Variants in LRRC7 observed in about 807,000 individuals in gnomAD.
LRRC7 encodes leucine rich repeat containing 7.
In LRRC7, 23 loss-of-function variants were observed where a neutral mutation model predicts 175.7. The observed-to-expected ratio is 0.13, with a 90% CI of 0.09 to 0.19. LRRC7 has a LOEUF of 0.19. Among genes scored for constraint, LRRC7 ranks in the 10% least tolerant of loss-of-function variants. The probability of loss-of-function intolerance (pLI) is 1.00; values close to 1 mark genes in which losing one functional copy is unlikely to be tolerated. For synonymous variants in LRRC7, 685 were observed against 680.9 expected (o/e 1.01, Z -0.09); for missense variants, 1,354 against 1,904.7 (o/e 0.71, Z 5.38).
intron 7 of LRRC7, among the ~76,000 whole-genome samples, chr1:69,928,327 C>G (rs948305526): frequency 6.6e-6 from 1 of 152,230 alleles, no homozygotes; most frequent in African/African-American, 2.4e-5. Context: ...AACCACTGCT[C>G]TCTTCAAAGC....
chr1:69,590,821 A>G (rs1266767466), intron 1 of LRRC7, among the ~76,000 whole-genome samples: 1 of 152,140 alleles, frequency 6.6e-6, no homozygotes, highest in Non-Finnish European at 1.5e-5. Flanking sequence ...GACATAAAAA[A>G]TTCATACAGG....
At chr1:69,708,478 T>A (rs1664312988) in intron 2 of LRRC7, among the ~76,000 whole-genome samples, 1 of 152,214 alleles carries the variant, frequency 6.6e-6, no homozygotes, top group Non-Finnish European at 1.5e-5. Flanking sequence ...ATTTTCTTCC[T>A]TTAGGTGTTC....
chr1:69,982,163 A>G (rs1252618004), intron 9 of LRRC7, among the ~76,000 whole-genome samples: 2 of 152,250 alleles, frequency 1.3e-5, no homozygotes, highest in African/African-American at 4.8e-5. Context: ...TTAAGTGGAA[A>G]GGCAGGGATG....
intron 3 of LRRC7, among the ~76,000 whole-genome samples, chr1:69,778,748 A>G (rs1282873636): frequency 6.6e-6 from 1 of 152,112 alleles, no homozygotes; most frequent in Non-Finnish European, 1.5e-5. Flanking sequence ...CCAGTGGAGA[A>G]AATCTCCAGT....
intron 7 of LRRC7, among the ~76,000 whole-genome samples, chr1:69,909,516 T>C (rs1489754598): frequency 1.3e-5 from 2 of 152,154 alleles, no homozygotes; most frequent in Non-Finnish European, 2.9e-5. Context: ...ATTTTTTTTC[T>C]CCTTCACTTA....
At chr1:70,065,391 T>C (rs1661892418) in intron 23 of LRRC7, among the ~76,000 whole-genome samples, 1 of 152,004 alleles carries the variant, frequency 6.6e-6, no homozygotes, top group Admixed American at 6.6e-5. Flanking sequence ...TAGAGTGGCT[T>C]TGAAAATTAA....
At chr1:69,835,828 A>T (rs969772760) in intron 6 of LRRC7, among the ~76,000 whole-genome samples, 1 of 152,004 alleles carries the variant, frequency 6.6e-6, no homozygotes, top group African/African-American at 2.4e-5. Flanking sequence ...TATAATAATA[A>T]TATTATCTTA....
chr1:69,947,832 A>G (rs918645392), intron 8 of LRRC7, among the ~76,000 whole-genome samples: 5 of 152,158 alleles, frequency 3.3e-5, no homozygotes, highest in African/African-American at 1.2e-4. Context: ...ATTAGGCACA[A>G]TAAAAGACTA....
At chr1:70,001,182 T>G (rs79688913) in intron 11 of LRRC7, among the ~76,000 whole-genome samples, 2,041 of 152,270 alleles carry the variant, frequency 0.013, 44 homozygotes, top group African/African-American at 0.044. Context: ...TCCATTATAG[T>G]TGTTGTATAG....
intron 7 of LRRC7, among the ~76,000 whole-genome samples, chr1:69,914,302 A>T (rs1023166856): frequency 2.6e-5 from 4 of 152,238 alleles, no homozygotes; most frequent in African/African-American, 9.6e-5. Context: ...TTAAATGGAT[A>T]AAACCTCTGA....
chr1:69,936,228 A>G (rs899802733), intron 8 of LRRC7, among the ~76,000 whole-genome samples: 1 of 152,118 alleles, frequency 6.6e-6, no homozygotes, highest in African/African-American at 2.4e-5. Flanking sequence ...CTGGACATTT[A>G]CTTTTTGTAT....
In LRRC7 at chr1:70,011,894, G is replaced by C; in HGVS notation, c.1102G>C (p.Asp368His). The C allele has an allele frequency of 6.2e-7, 1 of 1,606,196 alleles. No individual in the cohort carries two copies. Among genetic ancestry groups the C allele is most frequent in the Non-Finnish European group, 8.5e-7 (1 of 1,173,572 alleles). The change falls in exon 12 of 27, where the codon GAT becomes CAT. Residue 368 changes from aspartate (D) to histidine (H), a missense_variant. By Grantham distance (81) the Asp-to-His change is moderately conservative. This residue lies in a region of LRRC7 where 201 missense variants were observed against 481.4 expected (regional missense o/e 0.42). Transcript: ENST00000651989. ...TCATAGTCTTCGGACATTAGCAGTT[G>C]ATGAGAATTTCCTTCCAGAATTACC... ...YLHSLRTLAVDENFLPELPRE... is the reference protein window; with the variant it reads ...YLHSLRTLAVHENFLPELPRE...
In LRRC7 at chr1:69,681,298, A is replaced by C. The variant is rs75180871; in HGVS notation, c.100+2820A>C. On this transcript the variant is annotated intron_variant, in intron 2 of 26. Transcript: ENST00000651989. ...GAAAACTATCATAGAAAGTCAAATC[A>C]TAGTAGCTTTTCTGCACTAAGAATT... 1.6e-4 allele frequency among the ~76,000 whole-genome samples: 24 copies of C among 152,302 alleles called. No individual in the cohort carries two copies. In the East Asian group the frequency reaches 4.4e-3, roughly 28 times the overall value.
chr1:69,604,497 T>C (rs1647228009), intron 1 of LRRC7, among the ~76,000 whole-genome samples: 1 of 152,158 alleles, frequency 6.6e-6, no homozygotes, highest in Non-Finnish European at 1.5e-5. Context: ...AACATGAAAC[T>C]AGAAAAACAT....
intron 1 of LRRC7, among the ~76,000 whole-genome samples, chr1:69,649,814 T>A (rs1257245217): frequency 6.6e-6 from 1 of 151,234 alleles, no homozygotes; most frequent in Non-Finnish European, 1.5e-5. Flanking sequence ...CAAAACGGCT[T>A]AAGGGTGGTA....
At chr1:69,581,972 T>C (rs1646219262) in intron 1 of LRRC7, among the ~76,000 whole-genome samples, 1 of 152,160 alleles carries the variant, frequency 6.6e-6, no homozygotes. Flanking sequence ...TGCAGCACTG[T>C]TGCTACCAAG....
intron 2 of LRRC7, among the ~76,000 whole-genome samples, chr1:69,742,282 T>A (rs972516519): frequency 6.6e-6 from 1 of 152,028 alleles, no homozygotes; most frequent in Non-Finnish European, 1.5e-5. Context: ...TTGGTTTGCA[T>A]CAGAATTAGG....
chr1:69,827,173 TA>T (rs1680010970), intron 5 of LRRC7, among the ~76,000 whole-genome samples: 1 of 152,346 alleles, frequency 6.6e-6, no homozygotes, highest in South Asian at 2.1e-4. Context: ...TAGATGTTAC[TA>T]ATTTCTCCCA....
intron 1 of LRRC7, among the ~76,000 whole-genome samples, chr1:69,647,677 C>G (rs996849774): frequency 6.6e-6 from 1 of 151,996 alleles, no homozygotes; most frequent in African/African-American, 2.4e-5. Flanking sequence ...TTCAGTTCTT[C>G]AAATACTATT....
Sources: gnomAD v4.1 joint callset for allele counts (sites outside exome capture counted in the v4.1 genomes callset) on GRCh38, gnomAD v4.1.1 for gene constraint, gnomAD v4.1.1 regional missense constraint, MANE v1.5 for transcripts, NCBI Gene and HGNC (gene_info 2026-07-23, HGNC 2026-07-21) for gene names.